Variants in LOC122526780 observed in about 807,000 individuals in gnomAD.
At chr17:6,639,034 C>G in the LOC122526780 span, 122 of 153,148 alleles carry the variant, frequency 8.0e-4, no homozygotes, top group African/African-American at 2.7e-3. The surrounding 1 kb of genome is among the most constrained non-coding windows in gnomAD (Gnocchi z 4.3). Flanking sequence ...TGGGTCACCT[C>G]CACATCTAGT....
the LOC122526780 span, chr17:6,637,465 G>A: frequency 6.6e-6 from 1 of 152,528 alleles, no homozygotes; most frequent in South Asian, 2.1e-4. Context: ...CATTGGCCCT[G>A]GAAGCCCGGG....
At chr17:6,638,329 C>G in the LOC122526780 span, 1 of 152,714 alleles carries the variant, frequency 6.5e-6, no homozygotes, top group Non-Finnish European at 1.5e-5. Flanking sequence ...CAAAATGTCT[C>G]TAGAGCTGCC....
chr17:6,638,786 C>G, the LOC122526780 span: 1 of 153,086 alleles, frequency 6.5e-6, no homozygotes. Flanking sequence ...GCCTGGGGCA[C>G]CCTTACCATC....
chr17:6,639,042 A>C, the LOC122526780 span: 1 of 152,350 alleles, frequency 6.6e-6, no homozygotes, highest in Admixed American at 6.6e-5. This position sits in a 1 kb window ranked among gnomAD's most constrained non-coding sequence, Gnocchi z 4.3. Context: ...CTCCACATCT[A>C]GTTTCCTCTT....
the LOC122526780 span, chr17:6,638,932 G>A: frequency 6.5e-6 from 1 of 153,370 alleles, no homozygotes; most frequent in Non-Finnish European, 1.5e-5. Flanking sequence ...CCCAGGACAT[G>A]ATGACTCTGC....
At chr17:6,637,815 A>C in the LOC122526780 span, 1 of 152,328 alleles carries the variant, frequency 6.6e-6, no homozygotes, top group Non-Finnish European at 1.5e-5. Context: ...GCACCCTGGG[A>C]GCCACGGGCA....
the LOC122526780 span, chr17:6,639,590 C>T: frequency 3.9e-5 from 6 of 153,064 alleles, no homozygotes; most frequent in East Asian, 1.2e-3. This position sits in a 1 kb window ranked among gnomAD's most constrained non-coding sequence, Gnocchi z 4.3. Context: ...TAAGCTGCCC[C>T]TAAGCCCAGA....
At chr17:6,637,754 T>A in the LOC122526780 span, 2 of 152,300 alleles carry the variant, frequency 1.3e-5, no homozygotes, top group African/African-American at 4.8e-5. Context: ...CCGCCCACTG[T>A]CTCTCTTTCA....
the LOC122526780 span, chr17:6,637,114 T>A: frequency 0.36 from 54,481 of 152,294 alleles, 10,439 homozygotes; most frequent in Non-Finnish European, 0.43. Context: ...TCCTGTCTCA[T>A]CCTCTGAAGC....
chr17:6,640,038 C>T, the LOC122526780 span: 2 of 152,962 alleles, frequency 1.3e-5, no homozygotes, highest in Non-Finnish European at 2.9e-5. Flanking sequence ...CCTCATTCGC[C>T]CCGGCGGCGT....
chr17:6,638,620 CT>C, the LOC122526780 span: 1 of 154,072 alleles, frequency 6.5e-6, no homozygotes, highest in Non-Finnish European at 1.4e-5. Context: ...AGCCTGCCTC[CT>C]TTCCCACGGG....
chr17:6,639,926 C>G, the LOC122526780 span: 1 of 153,436 alleles, frequency 6.5e-6, no homozygotes, highest in East Asian at 1.9e-4. The surrounding 1 kb of genome is among the most constrained non-coding windows in gnomAD (Gnocchi z 4.3). Flanking sequence ...ACAGCCCCGG[C>G]AAGCCCCACC....
At chr17:6,638,274 C>A in the LOC122526780 span, 3 of 152,758 alleles carry the variant, frequency 2.0e-5, no homozygotes, top group Admixed American at 6.5e-5. Context: ...CGGGTCCCCC[C>A]GAAGCCACAG....
the LOC122526780 span, chr17:6,639,561 G>A: frequency 6.5e-6 from 1 of 152,958 alleles, no homozygotes; most frequent in Non-Finnish European, 1.5e-5. This position sits in a 1 kb window ranked among gnomAD's most constrained non-coding sequence, Gnocchi z 4.3. Flanking sequence ...CCTGTCCACA[G>A]AAGCCTAAGG....
chr17:6,637,048 G>C, the LOC122526780 span: 6 of 152,510 alleles, frequency 3.9e-5, no homozygotes, highest in African/African-American at 1.2e-4. Flanking sequence ...AGGCACACAG[G>C]TGTGAGATGT....
At chr17:6,637,027 A>AG in the LOC122526780 span, 1 of 152,262 alleles carries the variant, frequency 6.6e-6, no homozygotes, top group Admixed American at 6.5e-5. Context: ...ACAGCTCCAT[A>AG]ACCTGGCCCC....
chr17:6,637,096 T>C, the LOC122526780 span: 12,162 of 152,546 alleles, frequency 0.08, 871 homozygotes, highest in African/African-American at 0.19. Flanking sequence ...TCCCAAAATA[T>C]TCCCACCTCC....
At chr17:6,639,533 G>T in the LOC122526780 span, 1 of 152,586 alleles carries the variant, frequency 6.6e-6, no homozygotes, top group East Asian at 1.9e-4. This position sits in a 1 kb window ranked among gnomAD's most constrained non-coding sequence, Gnocchi z 4.3. Flanking sequence ...CTCGCAGGAG[G>T]CACCCTCCCA....
the LOC122526780 span, chr17:6,639,282 CTGT>C: frequency 6.6e-6 from 1 of 152,510 alleles, no homozygotes; most frequent in Admixed American, 6.5e-5. This position sits in a 1 kb window ranked among gnomAD's most constrained non-coding sequence, Gnocchi z 4.3. Flanking sequence ...TCTGCGGGGA[CTGT>C]CCTCTCCCCC....
Sources: gnomAD v4.1 joint callset for allele counts on GRCh38, gnomAD v4.1.1 for gene constraint, Gnocchi (gnomAD v3.1) non-coding constraint, MANE v1.5 for transcripts.